Variants in RBM47 observed in about 807,000 individuals in gnomAD.
RBM47 encodes the protein RNA-binding protein 47.
RBM47 carries 21 observed loss-of-function variants against 47.1 expected under a neutral mutation model. That is an observed-to-expected ratio of 0.45 (90% confidence interval 0.32 to 0.64). The LOEUF (loss-of-function observed/expected upper bound fraction) is 0.64, where lower values mean the gene tolerates loss of function less well. RBM47 is among the 30% of genes least tolerant of loss of function. RBM47 has a pLI of 0.05. For synonymous variants in RBM47, 375 were observed against 361.7 expected, an observed-to-expected ratio of 1.04 and a Z score of -0.42; for missense variants, 708 against 870.9, an observed-to-expected ratio of 0.81 and a Z score of 2.35.
intron 1 of RBM47, among the ~76,000 whole-genome samples, chr4:40,581,919 T>C (rs981196978): frequency 6.6e-6 from 1 of 152,012 alleles, no homozygotes; most frequent in Non-Finnish European, 1.5e-5. Flanking sequence ...CCATATCCAA[T>C]GCTGACCTCA....
At chr4:40,463,555 T>C (rs1304672046) in intron 3 of RBM47, among the ~76,000 whole-genome samples, 2 of 152,100 alleles carry the variant, frequency 1.3e-5, no homozygotes, top group Non-Finnish European at 2.9e-5. Flanking sequence ...ACATAAGTGG[T>C]AATAATAAAT....
intron 2 of RBM47, among the ~76,000 whole-genome samples, chr4:40,505,127 G>A (rs1723912652): frequency 6.6e-6 from 1 of 151,938 alleles, no homozygotes; most frequent in South Asian, 2.1e-4. Context: ...GGAGTTTGAG[G>A]CCACAGTGGC....
At chr4:40,444,629 A>G (rs1274325101) in intron 3 of RBM47, among the ~76,000 whole-genome samples, 1 of 151,604 alleles carries the variant, frequency 6.6e-6, no homozygotes, top group African/African-American at 2.4e-5. Flanking sequence ...CCTATGCTGA[A>G]TGATAACTTA....
At chr4:40,564,592 C>T (rs1344888255) in intron 1 of RBM47, among the ~76,000 whole-genome samples, 1 of 152,132 alleles carries the variant, frequency 6.6e-6, no homozygotes, top group Admixed American at 6.5e-5. Flanking sequence ...GCACAGGCAA[C>T]ACATCTGTTG....
chr4:40,542,175 A>C (rs1728611476), intron 2 of RBM47, among the ~76,000 whole-genome samples: 1 of 152,200 alleles, frequency 6.6e-6, no homozygotes, highest in South Asian at 2.1e-4. Flanking sequence ...ACAAAAACAA[A>C]AAAATCTGAT....
At chr4:40,481,537 A>AAGACCTGG (rs1720423565) in intron 2 of RBM47, among the ~76,000 whole-genome samples, 1 of 148,268 alleles carries the variant, frequency 6.7e-6, no homozygotes, top group African/African-American at 2.5e-5. Flanking sequence ...AGTGCAGTCA[A>AAGACCTGG]AGACCTGGAT....
intron 3 of RBM47, among the ~76,000 whole-genome samples, chr4:40,459,369 A>C (rs1453638783): frequency 1.3e-5 from 2 of 152,178 alleles, no homozygotes; most frequent in African/African-American, 2.4e-5. Context: ...CATCCACCAA[A>C]TTGCTTTGGA....
At chr4:40,430,010 G>T (rs536635446) in intron 6 of RBM47, among the ~76,000 whole-genome samples, 5 of 151,904 alleles carry the variant, frequency 3.3e-5, no homozygotes, top group African/African-American at 1.2e-4. Flanking sequence ...CTGGCTAACA[G>T]GTGAAACCCC....
At position 40,437,186 on chromosome 4, in the gene RBM47, T is replaced by C. The variant is rs576858554; in HGVS notation, c.1124-539A>G. On this transcript the variant is annotated intron_variant, in intron 4 of 6. Transcript: ENST00000295971. The stretch of plus-strand genomic sequence containing the variant: ...TATATATATATAATACATATATATA[T>C]ACTATTAAATAATTTTTTTTAAAGT... Among the ~76,000 whole-genome samples the C allele has an allele frequency of 4.0e-5, 5 of 123,594 alleles. No homozygotes were observed. The South Asian group carries it at 1.2e-3, about 31-fold the overall frequency. The allele number at this position is 123,594 out of a possible 152,430, so 81.1% of individuals were successfully genotyped here. A position where few individuals can be genotyped will look rare whatever the true frequency, so the allele number is the denominator to read the frequency against.
At chr4:40,613,128 A>G (rs900674324) in intron 1 of RBM47, among the ~76,000 whole-genome samples, 31 of 152,232 alleles carry the variant, frequency 2.0e-4, no homozygotes, top group South Asian at 1.9e-3. Flanking sequence ...TTCATTTAAT[A>G]TAAGTGTCTC....
rs1720998260 is a variant in RBM47 at position 40,485,895 on chromosome 4, G to GT, written c.-154-19197dup. The stretch of plus-strand genomic sequence containing the variant: ...GGCAACATGGCAAAAGGCCATCTGT[G>GT]TAAAAAAAAAAAAAAAAATACAAAC... On this transcript the variant is annotated intron_variant, in intron 2 of 6. Transcript: ENST00000295971. 2.1e-5 allele frequency among the ~76,000 whole-genome samples: 3 copies of GT among 142,382 alleles called. No homozygotes were observed. The South Asian group carries it at 6.7e-4, about 32-fold the overall frequency. 93.4% of individuals were successfully genotyped at this position (142,382 alleles called of 152,430 possible). A position where few individuals can be genotyped will look rare whatever the true frequency, so the allele number is the denominator to read the frequency against.
At chr4:40,562,461 ATTTTTTT>A (rs67887812) in intron 1 of RBM47, among the ~76,000 whole-genome samples, 5 of 113,750 alleles carry the variant, frequency 4.4e-5, no homozygotes, top group South Asian at 2.7e-4. Context: ...ACTTCTCCCT[ATTTTTTT>A]TTTTTTTTTT....
At chr4:40,517,478 C>G (rs549564735) in intron 2 of RBM47, among the ~76,000 whole-genome samples, 1 of 152,244 alleles carries the variant, frequency 6.6e-6, no homozygotes, top group African/African-American at 2.4e-5. Flanking sequence ...ACCTCTGCAC[C>G]CCCTGGCATG....
intron 2 of RBM47, among the ~76,000 whole-genome samples, chr4:40,484,580 T>C (rs547532681): frequency 2.0e-5 from 3 of 152,336 alleles, no homozygotes; most frequent in East Asian, 1.9e-4. Flanking sequence ...ATCCATAACA[T>C]TGCAGGCTTT....
At chr4:40,432,305 AATCACT>A (rs1716277674) in intron 6 of RBM47, among the ~76,000 whole-genome samples, 1 of 152,030 alleles carries the variant, frequency 6.6e-6, no homozygotes, top group Non-Finnish European at 1.5e-5. Context: ...GAAAATGTGA[AATCACT>A]CCCTGGACTT....
At chr4:40,580,560 C>T (rs1226709632) in intron 1 of RBM47, among the ~76,000 whole-genome samples, 1 of 152,178 alleles carries the variant, frequency 6.6e-6, no homozygotes, top group Non-Finnish European at 1.5e-5. Context: ...AATTTGGTTA[C>T]CATCATTCCC....
At chr4:40,579,062 T>A (rs1319493277) in intron 1 of RBM47, among the ~76,000 whole-genome samples, 4 of 149,310 alleles carry the variant, frequency 2.7e-5, no homozygotes, top group Non-Finnish European at 4.4e-5. Context: ...GAGGCTACAG[T>A]GAGCCAAGAT....
At chr4:40,621,496 C>G (rs917260766) in intron 1 of RBM47, among the ~76,000 whole-genome samples, 1 of 152,138 alleles carries the variant, frequency 6.6e-6, no homozygotes, top group Non-Finnish European at 1.5e-5. Context: ...CATGCCAGGT[C>G]AAGACAAAAA....
intron 3 of RBM47, among the ~76,000 whole-genome samples, chr4:40,452,898 C>T (rs1037767537): frequency 7.1e-6 from 1 of 141,834 alleles, no homozygotes; most frequent in African/African-American, 2.6e-5. Flanking sequence ...GACTGGAGTG[C>T]AGTGGCTTGA....
Sources: gnomAD v4.1 joint callset for allele counts (sites outside exome capture counted in the v4.1 genomes callset) on GRCh38, gnomAD v4.1.1 for gene constraint, MANE v1.5 for transcripts, NCBI Gene and HGNC (gene_info 2026-07-23, HGNC 2026-07-21) for gene names.